The following SUN3 variants were observed in gnomAD, a reference collection of about 807,000 sequenced individuals.
SUN3 encodes Sad1 and UNC84 domain containing 3, also known as SUN domain-containing protein 3.
SUN3 carries 36 observed loss-of-function variants against 48.2 expected under a neutral mutation model. The ratio of observed to expected loss-of-function variants is 0.75; its 90% confidence interval spans 0.57 to 0.99. The LOEUF (loss-of-function observed/expected upper bound fraction) is 0.99, where lower values mean the gene tolerates loss of function less well. Among genes scored for constraint, SUN3 ranks in the 50% least tolerant of loss-of-function variants. The pLI is 0.00. For missense variants in SUN3, 419 were observed against 433.1 expected (o/e 0.97, Z 0.29); for synonymous variants, 148 against 147.9 (o/e 1.00, Z 0.00).
In SUN3 at chr7:47,994,445, C is replaced by A. The variant is rs1190247261; in HGVS notation, c.731G>T (p.Gly244Val). The A allele has an allele frequency of 6.2e-7, 1 of 1,609,298 alleles. No homozygotes were observed. Among genetic ancestry groups the A allele is most frequent in the Non-Finnish European group, 8.5e-7 (1 of 1,178,498 alleles). ...VYPGKCWAFP[G>V]SQGHTLIKLA... ...CTTGATTAGGGTATGACCCTGGGAA[C>A]CTGGAAAAGCCCAGCACTTTCCAGG... Residue 244 changes from glycine (G) to valine (V), a missense_variant, in exon 8 of 10, where the codon GGT (glycine) becomes GTT (valine). Gly to Val is a moderately radical substitution (Grantham distance 109, BLOSUM62 -3). Transcript: ENST00000297325.
chr7:48,031,014 GACC>G (rs1790249379), upstream of SUN3, among the ~76,000 whole-genome samples: 1 of 152,080 alleles, frequency 6.6e-6, no homozygotes, highest in Non-Finnish European at 1.5e-5. Flanking sequence ...TTAAACATAA[GACC>G]TCTAACCATA....
chr7:47,992,665 A>C (rs1789099145), intron 8 of SUN3, among the ~76,000 whole-genome samples: 1 of 152,136 alleles, frequency 6.6e-6, no homozygotes, highest in South Asian at 2.1e-4. Flanking sequence ...CTGGAGCAAA[A>C]TGCTGAGGGC....
Position 48,007,242 on chromosome 7 carries a change from C to A in SUN3, c.415G>T (p.Asp139Tyr). The change falls in exon 5 of 10, where the codon GAT becomes TAT. Residue 139 changes from aspartate (D) to tyrosine (Y), a missense_variant. By Grantham distance (160) the Asp-to-Tyr change is radical (BLOSUM62 -3). Transcript: ENST00000297325. Reference sequence around the variant, plus strand: ...TTATTGTCCATACCATCCTTCATATCTCTTAGCAATGCCTTCAGGACATCT... The same window carrying A: ...TTATTGTCCATACCATCCTTCATATATCTTAGCAATGCCTTCAGGACATCT... ...QIDVLKALLR[D>Y]MKDGMDNNHN... The A allele has an allele frequency of 1.9e-6, 3 of 1,613,408 alleles. No homozygotes were observed. Among genetic ancestry groups the A allele is most frequent in the Non-Finnish European group, 2.5e-6 (3 of 1,179,574 alleles).
intron 1 of SUN3, among the ~76,000 whole-genome samples, chr7:48,027,314 A>T (rs1293354332): frequency 6.6e-6 from 1 of 152,244 alleles, no homozygotes; most frequent in Non-Finnish European, 1.5e-5. Context: ...AGCTATGAAC[A>T]TTCTTGTACA....
chr7:48,011,190 A>C (rs1369061922), intron 3 of SUN3, among the ~76,000 whole-genome samples: 2 of 152,196 alleles, frequency 1.3e-5, no homozygotes, highest in East Asian at 3.8e-4. Flanking sequence ...CTTTTTGGGA[A>C]TCACCTTTCA....
At position 48,028,670 on chromosome 7, in the gene SUN3, C is replaced by G. The variant is rs1583788196; in HGVS notation, c.122+147G>C. ...AGTGTAAGACTGTGATGAAGAGAAA[C>G]CTTCAAAGGAAACTATTGAAAATGA... On this transcript the variant is annotated intron_variant, in intron 1 of 9. Transcript: ENST00000297325. The G allele has an allele frequency of 3.9e-6, 4 of 1,025,566 alleles. No homozygotes were observed. In the Admixed American group the frequency reaches 7.8e-5, roughly 20 times the overall value. 63.5% of individuals were successfully genotyped at this position (1,025,566 alleles called of 1,614,324 possible).
At chr7:48,027,979 G>A (rs1390604422) in intron 1 of SUN3, among the ~76,000 whole-genome samples, 4 of 152,058 alleles carry the variant, frequency 2.6e-5, no homozygotes, top group East Asian at 1.9e-4. Context: ...AGTGTTTTTC[G>A]TTTTTTGTTT....
chr7:47,995,971 T>A, intron 7 of SUN3, 60 bp downstream of exon 7: 3 of 1,074,160 alleles, frequency 2.8e-6, no homozygotes, highest in Non-Finnish European at 4.0e-6. Flanking sequence ...AACATTTTCA[T>A]GATAAATAAT....
At chr7:48,014,704 T>A (rs569439041) in intron 3 of SUN3, among the ~76,000 whole-genome samples, 1 of 152,266 alleles carries the variant, frequency 6.6e-6, no homozygotes, top group South Asian at 2.1e-4. Flanking sequence ...CCAGATAAAC[T>A]TACAAGTGTA....
chr7:48,010,934 T>C (rs1248324361), intron 3 of SUN3, among the ~76,000 whole-genome samples: 1 of 152,210 alleles, frequency 6.6e-6, no homozygotes, highest in Non-Finnish European at 1.5e-5. Context: ...CTGGTGGCTC[T>C]GGGCATTCCT....
intron 2 of SUN3, among the ~76,000 whole-genome samples, chr7:48,022,538 T>C (rs564612043): frequency 2.1e-4 from 32 of 152,210 alleles, no homozygotes; most frequent in African/African-American, 2.9e-4. Flanking sequence ...CCCATAAGTA[T>C]ATATACTATG....
chr7:48,000,801 G>A (rs1789341151), intron 6 of SUN3, among the ~76,000 whole-genome samples: 1 of 149,490 alleles, frequency 6.7e-6, no homozygotes, highest in Non-Finnish European at 1.5e-5. Context: ...TGATGTGTCT[G>A]GATGTCATTT....
At chr7:47,989,984 T>C (rs1012461277) in intron 8 of SUN3, among the ~76,000 whole-genome samples, 10 of 152,236 alleles carry the variant, frequency 6.6e-5, no homozygotes, top group Non-Finnish European at 1.2e-4. Context: ...CGCAGGGACC[T>C]CTGTCTAGGA....
chr7:48,019,742 C>G (rs908752933), intron 2 of SUN3, among the ~76,000 whole-genome samples: 17 of 151,742 alleles, frequency 1.1e-4, no homozygotes, highest in African/African-American at 4.1e-4. Flanking sequence ...GAAAGAAATT[C>G]AAAACCTGAA....
chr7:48,010,933 C>G (rs551315205), intron 3 of SUN3, among the ~76,000 whole-genome samples: 1 of 152,270 alleles, frequency 6.6e-6, no homozygotes, highest in South Asian at 2.1e-4. Context: ...TCTGGTGGCT[C>G]TGGGCATTCC....
intron 6 of SUN3, among the ~76,000 whole-genome samples, chr7:48,004,007 T>C (rs1333553147): frequency 1.3e-5 from 2 of 152,336 alleles, no homozygotes; most frequent in South Asian, 2.1e-4. Flanking sequence ...TAAGCATATA[T>C]AGTCAATATT....
chr7:48,034,330 A>G, the SUN3 span, among the ~76,000 whole-genome samples: 4 of 152,148 alleles, frequency 2.6e-5, no homozygotes, highest in Non-Finnish European at 4.4e-5. Flanking sequence ...TCTTTAACCA[A>G]TTCTGATATT....
chr7:47,995,566 GAA>G (rs1350105524), intron 7 of SUN3, among the ~76,000 whole-genome samples: 1 of 152,188 alleles, frequency 6.6e-6, no homozygotes. Context: ...GACTGTAACT[GAA>G]AAGTTTGGTG....
At chr7:47,992,014 TC>T (rs1177546537) in intron 8 of SUN3, among the ~76,000 whole-genome samples, 10 of 151,886 alleles carry the variant, frequency 6.6e-5, no homozygotes, top group African/African-American at 2.4e-4. Context: ...GGCCCTCCTC[TC>T]CCCAGCAGCT....
Sources: allele counts gnomAD v4.1 joint callset (sites outside exome capture counted in the v4.1 genomes callset), GRCh38; gene constraint gnomAD v4.1.1; transcripts MANE v1.5; gene names NCBI Gene and HGNC (gene_info 2026-07-23, HGNC 2026-07-21).